RAB11FIP1: variants seen among roughly 807,000 people sequenced by gnomAD.
The protein encoded by RAB11FIP1 is RAB11 family interacting protein 1, also known as rab11 family-interacting protein 1.
RAB11FIP1 carries 49 observed loss-of-function variants against 83.1 expected under a neutral mutation model. The observed-to-expected ratio is 0.59, with a 90% CI of 0.47 to 0.75. RAB11FIP1 has a LOEUF of 0.75. Among genes scored for constraint, RAB11FIP1 ranks in the 30% least tolerant of loss-of-function variants. The probability of loss-of-function intolerance (pLI) is 0.00; values close to 1 mark genes in which losing one functional copy is unlikely to be tolerated. For missense variants in RAB11FIP1, 1,536 were observed against 1,598.7 expected (o/e 0.96, Z 0.67); for synonymous variants, 670 against 656.0 (o/e 1.02, Z -0.33).
rs1392346576 is a variant in RAB11FIP1 at position 37,859,938 on chromosome 8, T to A, written c.*2957A>T. 1 of 152,396 alleles carries A rather than the reference T, an allele frequency of 6.6e-6. No homozygotes were observed. Among genetic ancestry groups the A allele is most frequent in the African/African-American group, 2.4e-5 (1 of 41,424 alleles). The allele number at this position is 152,396 out of a possible 1,614,324, so 9.4% of individuals were successfully genotyped here. On this transcript the variant is annotated 3_prime_UTR_variant, in exon 6 of 6. Coordinates refer to ENST00000330843, the MANE Select transcript of RAB11FIP1 (RefSeq NM_001002814.3). ...AGATAACCCCTCCCCCAAAACTGAG[T>A]CCTCAGGGACAGTTGTTAACTGAAT...
intron 5 of RAB11FIP1, among the ~76,000 whole-genome samples, chr8:37,867,492 G>T (rs550247059): frequency 8.9e-4 from 135 of 152,236 alleles, no homozygotes; most frequent in African/African-American, 3.1e-3. Context: ...ATCACCTGAG[G>T]TCAGGAGTTC....
In RAB11FIP1 at chr8:37,872,098, C is replaced by T; in HGVS notation, c.2704G>A (p.Ala902Thr). Residue 902 changes from alanine to threonine, a missense_variant, in exon 4 of 6, where the codon GCA (alanine) becomes ACA (threonine). Ala to Thr is a moderately conservative substitution (Grantham distance 58). Transcript: ENST00000330843. Reference sequence around the variant, plus strand: ...AGTGGAGTGTCTTTCGCTGAGCTTGCTTCACTCATGGGGACTTCGGAGAAA... The same window carrying T: ...AGTGGAGTGTCTTTCGCTGAGCTTGTTTCACTCATGGGGACTTCGGAGAAA... ...ESFSEVPMSE[A>T]SSAKDTPLFR... 1.9e-6 allele frequency: 3 copies of T among 1,614,110 alleles called. No individual in the cohort carries two copies. The highest frequency in any genetic ancestry group is 2.5e-6 in the Non-Finnish European group (3 of 1,180,016).
At chr8:37,897,273 C>A (rs1050656284) in intron 1 of RAB11FIP1, among the ~76,000 whole-genome samples, 1 of 151,372 alleles carries the variant, frequency 6.6e-6, no homozygotes, top group African/African-American at 2.4e-5. Flanking sequence ...AAATGGAACC[C>A]ACCCCACAGT....
chr8:37,886,448 T>G (rs949561200), intron 1 of RAB11FIP1, among the ~76,000 whole-genome samples: 1 of 152,190 alleles, frequency 6.6e-6, no homozygotes, highest in Non-Finnish European at 1.5e-5. Flanking sequence ...AACACAGGTC[T>G]CCAGGAAAGG....
In RAB11FIP1 at chr8:37,862,626, T is replaced by C. The variant is rs1806260802; in HGVS notation, c.*269A>G. The C allele has an allele frequency of 2.8e-6, 1 of 351,468 alleles. No homozygotes were observed. The highest frequency in any genetic ancestry group is 4.2e-5 in the Admixed American group (1 of 23,570). The allele number at this position is 351,468 out of a possible 1,614,324, so 21.8% of individuals were successfully genotyped here. A position where few individuals can be genotyped will look rare whatever the true frequency, so the allele number is the denominator to read the frequency against. Reference sequence around the variant, plus strand: ...ATCTCTGGCTCAGGATCAGATCTTATGACCACATCTCTGGTGGGCATAAAA... The same window carrying C: ...ATCTCTGGCTCAGGATCAGATCTTACGACCACATCTCTGGTGGGCATAAAA... On this transcript the variant is annotated 3_prime_UTR_variant, in exon 6 of 6. Coordinates refer to ENST00000330843, the MANE Select transcript of RAB11FIP1 (RefSeq NM_001002814.3).
chr8:37,892,375 G>A (rs896400991), intron 1 of RAB11FIP1, among the ~76,000 whole-genome samples: 7 of 151,996 alleles, frequency 4.6e-5, no homozygotes, highest in African/African-American at 9.7e-5. Context: ...CAAGAGCCAC[G>A]GTGATCTCTG....
At chr8:37,894,771 T>C (rs538245687) in intron 1 of RAB11FIP1, among the ~76,000 whole-genome samples, 127 of 147,974 alleles carry the variant, frequency 8.6e-4, no homozygotes, top group African/African-American at 3.1e-3. Context: ...TATTTTGAGA[T>C]AGAGTTTCGT....
At position 37,873,176 on chromosome 8, in the gene RAB11FIP1, C is replaced by A; in HGVS notation, c.1626G>T (p.Leu542=). 1 of 1,579,380 alleles carries A rather than the reference C, an allele frequency of 6.3e-7. No homozygotes were observed. The highest frequency in any genetic ancestry group is 8.6e-7 in the Non-Finnish European group (1 of 1,168,966). Reference sequence around the variant, plus strand: ...TGGGTTGCGCCTCTGGAGACACTTCCAGTCTGCAAAAAGGACAAAATAAAA... The same window carrying A: ...TGGGTTGCGCCTCTGGAGACACTTCAAGTCTGCAAAAAGGACAAAATAAAA... ...APQTRAVKPR[L]EVSPEAQPTA... is the part of the protein sequence containing the mutation. Residue 542 remains leucine (L), a synonymous_variant, in exon 4 of 6, where the codon CTG becomes CTT. Transcript: ENST00000330843.
At chr8:37,878,883 C>T (rs1343397101) in intron 1 of RAB11FIP1, among the ~76,000 whole-genome samples, 1 of 152,036 alleles carries the variant, frequency 6.6e-6, no homozygotes, top group Non-Finnish European at 1.5e-5. Flanking sequence ...CCTATACTCT[C>T]AGCTACTCAA....
At chr8:37,869,682 T>C (rs1434467220) in intron 5 of RAB11FIP1, among the ~76,000 whole-genome samples, 3 of 152,146 alleles carry the variant, frequency 2.0e-5, no homozygotes, top group African/African-American at 7.2e-5. Context: ...GAACATGAGG[T>C]ACACAACTTA....
Position 37,862,902 on chromosome 8 carries a change from T to G in RAB11FIP1, c.3845A>C (p.Lys1282Thr), listed in dbSNP as rs1385779947. Residue 1282 changes from lysine (K) to threonine (T), a missense_variant, in exon 6 of 6, where the codon AAG becomes ACG. Coordinates refer to ENST00000330843, the MANE Select transcript of RAB11FIP1 (RefSeq NM_001002814.3). Reference protein sequence around the residue: ...IPTQVGKKAGKM With the variant: ...IPTQVGKKAGTM The stretch of plus-strand genomic sequence containing the variant: ...TGTTTTTTTTCTGCTGATTTACATC[T>G]TTCCTGCTTTTTTGCCAACCTGAGT... The G allele has an allele frequency of 3.1e-6, 5 of 1,609,600 alleles. No homozygotes were observed. The highest frequency in any genetic ancestry group is 1.7e-5 in the Admixed American group (1 of 59,626).
rs1396140479 is a variant in RAB11FIP1, at chr8:37,861,189, T to C, written c.*1706A>G. 1 of 142,154 alleles carries C rather than the reference T, an allele frequency of 7.0e-6. No homozygotes were observed. Among genetic ancestry groups the C allele is most frequent in the Admixed American group, 7.0e-5 (1 of 14,344 alleles). 8.8% of individuals were successfully genotyped at this position (142,154 alleles called of 1,614,324 possible). Reference sequence around the variant, plus strand: ...CTAAGAAGGAAGCAAGTGCCCTAGTTAAAAAAAAAAAAAGTCTATAAATCT... The same window carrying C: ...CTAAGAAGGAAGCAAGTGCCCTAGTCAAAAAAAAAAAAAGTCTATAAATCT... On this transcript the variant is annotated 3_prime_UTR_variant, in exon 6 of 6. Transcript: ENST00000330843.
rs1451933328 is a variant in RAB11FIP1, at chr8:37,899,362, GCCTGCAGCACCGTCA to G, written c.65_79del (p.Val22_Gln26del). 1 of 1,606,136 alleles carries G rather than the reference GCCTGCAGCACCGTCA, an allele frequency of 6.2e-7. No individual in the cohort carries two copies. ...GGGGCCCTTGGCCCGCAGGCCCCGC[GCCTGCAGCACCGTCA>G]CCTGCACGTGGGTTGGGGACCACAC... On this transcript the variant is annotated inframe_deletion, in exon 1 of 6. Transcript: ENST00000330843. The surrounding 1 kb of genome is among the most constrained non-coding windows in gnomAD (Gnocchi z 4.5).
intron 5 of RAB11FIP1, among the ~76,000 whole-genome samples, chr8:37,869,856 T>G (rs903350130): frequency 1.3e-5 from 2 of 152,222 alleles, no homozygotes; most frequent in Admixed American, 1.3e-4. Flanking sequence ...GAGCTCTTTG[T>G]ACTGTTCCTG....
rs780978121 is a variant in RAB11FIP1, at chr8:37,875,033, C to T, written c.1104G>A (p.Glu368=). Reference sequence around the variant, plus strand: ...AAGACAGCCCACCTCCTTCAGCAGGCTCCTTCCAAGACCCAGCCGCCAGGT... The same window carrying T: ...AAGACAGCCCACCTCCTTCAGCAGGTTCCTTCCAAGACCCAGCCGCCAGGT... The part of the protein sequence containing the change: ...TENLAAGSWK[E]PAEGGGLSSD... Residue 368 remains glutamate (E), a synonymous_variant, in exon 3 of 6, where the codon GAG becomes GAA. Transcript: ENST00000330843. 1 of 1,614,040 alleles carries T rather than the reference C, an allele frequency of 6.2e-7. No individual in the cohort carries two copies.
Position 37,874,916 on chromosome 8 carries a change from G to A in RAB11FIP1, c.1221C>T (p.Asp407=), listed in dbSNP as rs752778885. 17 of 1,613,982 alleles carry A rather than the reference G, an allele frequency of 1.1e-5. No individual in the cohort carries two copies. In the South Asian group the frequency reaches 1.6e-4, roughly 16 times the overall value. ...TTGCGGGGGCCATGTTTTCCCTGAG[G>A]TCCCCACTGACCAGTGGGGCAGGTC... ...SYRPAPLVSG[D]LRENMAPANS... Residue 407 remains aspartate (D), a synonymous_variant, in exon 3 of 6, where the codon GAC becomes GAT. Coordinates refer to ENST00000330843, the MANE Select transcript of RAB11FIP1 (RefSeq NM_001002814.3).
rs1285874924 is a variant in RAB11FIP1, at chr8:37,874,714, C to A, written c.1423G>T (p.Asp475Tyr). ...AGGTCTTCAGCAGGCCCCGATGCGT[C>A]CTCCCCCGGCTTAACCCCCATCAGC... ...GMLMGVKPGE[D>Y]ASGPAEDLVR... Residue 475 changes from aspartate to tyrosine, a missense_variant, in exon 3 of 6, where the codon GAC (aspartate) becomes TAC (tyrosine). Asp to Tyr is a radical substitution (Grantham distance 160). Transcript: ENST00000330843. 1 of 1,614,058 alleles carries A rather than the reference C, an allele frequency of 6.2e-7. No individual in the cohort carries two copies. Among genetic ancestry groups the A allele is most frequent in the African/African-American group, 1.3e-5 (1 of 74,920 alleles).
Position 37,872,034 on chromosome 8 carries a change from T to C in RAB11FIP1, c.2768A>G (p.Tyr923Cys). 2 of 1,614,096 alleles carry C rather than the reference T, an allele frequency of 1.2e-6. No homozygotes were observed. Among genetic ancestry groups the C allele is most frequent in the Non-Finnish European group, 1.7e-6 (2 of 1,180,010 alleles). The change falls in exon 4 of 6, where the codon TAT becomes TGT. Residue 923 changes from tyrosine (Y) to cysteine (C), a missense_variant. By Grantham distance (194) the Tyr-to-Cys change is radical. Coordinates refer to ENST00000330843, the MANE Select transcript of RAB11FIP1 (RefSeq NM_001002814.3). The stretch of plus-strand genomic sequence containing the variant: ...TTCGTGGTCACTGGCTTTGCTCTGA[T>C]ACTGAGTCACAAGGGCATCCTCTCC... ...MEGEDALVTQ[Y>C]QSKASDHEGL...
In RAB11FIP1 at chr8:37,877,274, T is replaced by C; in HGVS notation, c.649A>G (p.Ile217Val). The C allele has an allele frequency of 6.2e-7, 1 of 1,614,134 alleles. No individual in the cohort carries two copies. The highest frequency in any genetic ancestry group is 2.2e-5 in the East Asian group (1 of 44,878). ...TTTGACTTGGAAAGTAAGGTCTTGA[T>C]CTTTGATTTCTTTTTCTTGTCTTTA... ...VVKDKKKKSK[I>V]KTLLSKSNLQ... The change falls in exon 2 of 6, where the codon ATC (isoleucine) becomes GTC (valine). Residue 217 changes from isoleucine (I) to valine (V), a missense_variant. Coordinates refer to ENST00000330843, the MANE Select transcript of RAB11FIP1 (RefSeq NM_001002814.3).
Sources: allele counts gnomAD v4.1 joint callset (sites outside exome capture counted in the v4.1 genomes callset), GRCh38; gene constraint gnomAD v4.1.1; non-coding constraint Gnocchi (gnomAD v3.1); transcripts MANE v1.5; gene names NCBI Gene and HGNC (gene_info 2026-07-23, HGNC 2026-07-21).